TMEM72: variants seen among roughly 807,000 people sequenced by gnomAD.
The protein encoded by TMEM72 is transmembrane protein 72.
TMEM72 carries 9 observed loss-of-function variants against 16.3 expected under a neutral mutation model. The ratio of observed to expected loss-of-function variants is 0.55; its 90% CI spans 0.33 to 0.96. TMEM72 has a LOEUF of 0.96. Among genes scored for constraint, TMEM72 ranks in the 40% least tolerant of loss-of-function variants. The pLI, the probability that TMEM72 is intolerant of heterozygous loss-of-function variation, is 0.03. For missense variants in TMEM72, 324 were observed against 337.8 expected (o/e 0.96, Z 0.32); for synonymous variants, 160 against 146.5 (o/e 1.09, Z -0.66).
At chr10:44,931,343 T>A (rs1840291597) in intron 2 of TMEM72, among the ~76,000 whole-genome samples, 3 of 152,188 alleles carry the variant, frequency 2.0e-5, no homozygotes, top group Admixed American at 2.0e-4. Flanking sequence ...AGATGCTGAT[T>A]GCAGGATCCA....
chr10:44,911,626 C>G, intron 1 of TMEM72, 44 bp downstream of exon 1: 1 of 1,544,314 alleles, frequency 6.5e-7, no homozygotes. Flanking sequence ...ACACTGGCAC[C>G]ACAGATAGGG....
chr10:44,934,148 C>T (rs1237525804), intron 4 of TMEM72, among the ~76,000 whole-genome samples: 3 of 152,174 alleles, frequency 2.0e-5, no homozygotes, highest in Admixed American at 6.5e-5. Flanking sequence ...CAGGTCCAAA[C>T]TCCTCAGCCT....
chr10:44,915,240 G>C (rs1026500944), intron 1 of TMEM72, among the ~76,000 whole-genome samples: 4 of 152,188 alleles, frequency 2.6e-5, no homozygotes, highest in African/African-American at 9.7e-5. Flanking sequence ...CACTCTTCCA[G>C]CCTCTGCCCA....
At chr10:44,933,109 G>A (rs1840330495) in intron 3 of TMEM72, among the ~76,000 whole-genome samples, 1 of 152,260 alleles carries the variant, frequency 6.6e-6, no homozygotes, top group African/African-American at 2.4e-5. Context: ...TCAGGCTTCT[G>A]CCAGGGCTAT....
At chr10:44,914,386 T>C (rs1353913090) in intron 1 of TMEM72, among the ~76,000 whole-genome samples, 1 of 152,206 alleles carries the variant, frequency 6.6e-6, no homozygotes, top group Non-Finnish European at 1.5e-5. Flanking sequence ...TTACACCGGG[T>C]TCATTTGCTT....
intron 1 of TMEM72, among the ~76,000 whole-genome samples, chr10:44,919,673 A>G (rs1196655479): frequency 5.3e-5 from 8 of 152,244 alleles, no homozygotes; most frequent in African/African-American, 1.9e-4. Context: ...TTGATGGGTC[A>G]GAAGGCTCAA....
chr10:44,918,335 T>G (rs959300197), intron 1 of TMEM72, among the ~76,000 whole-genome samples: 1 of 152,274 alleles, frequency 6.6e-6, no homozygotes, highest in Non-Finnish European at 1.5e-5. Context: ...CATATGGGTC[T>G]GCAGAGTCCT....
chr10:44,929,658 A>C (rs1471810726), intron 2 of TMEM72, among the ~76,000 whole-genome samples: 1 of 152,206 alleles, frequency 6.6e-6, no homozygotes, highest in African/African-American at 2.4e-5. Flanking sequence ...GACAACCTTC[A>C]AGAGCTTCCA....
At chr10:44,917,709 C>A (rs531689120) in intron 1 of TMEM72, among the ~76,000 whole-genome samples, 4 of 152,120 alleles carry the variant, frequency 2.6e-5, no homozygotes, top group East Asian at 1.9e-4. Context: ...CCCAGGAGAC[C>A]AGGTAAGGGT....
chr10:44,935,002 C>T lies in TMEM72; in HGVS notation c.696C>T (p.Val232=). ...TTGAAGACAACTTGGTCCGCATAGTCCCCTCCCTCGCCGAAGGTCTGGATG... is the reference window on the plus strand; with the variant it reads ...TTGAAGACAACTTGGTCCGCATAGTTCCCTCCCTCGCCGAAGGTCTGGATG... ...VHFEDNLVRI[V]PSLAEGLDDG... The change falls in exon 5 of 5, where the codon GTC becomes GTT. Residue 232 remains valine, a synonymous_variant. Transcript: ENST00000389583. 1.2e-6 allele frequency: 2 copies of T among 1,613,980 alleles called. No homozygotes were observed. The highest frequency in any genetic ancestry group is 1.7e-6 in the Non-Finnish European group (2 of 1,179,898).
intron 1 of TMEM72, among the ~76,000 whole-genome samples, chr10:44,918,319 A>G (rs1379848653): frequency 6.6e-6 from 1 of 152,172 alleles, no homozygotes; most frequent in Non-Finnish European, 1.5e-5. Flanking sequence ...AGTAGTGCCA[A>G]TGAACCATAT....
At chr10:44,931,762 G>A in intron 2 of TMEM72, 2 of 539,066 alleles carry the variant, frequency 3.7e-6, no homozygotes, top group Non-Finnish European at 6.7e-6. Context: ...GTCACCTGCT[G>A]GCCACGGTGC....
Position 44,919,617 on chromosome 10 carries a change from G to A in TMEM72, c.70+8035G>A, listed in dbSNP as rs552090641. Among the ~76,000 whole-genome samples the A allele has an allele frequency of 8.4e-4, 128 of 152,298 alleles. 3 individuals are homozygous for A. The South Asian group carries it at 0.021, about 25-fold the overall frequency. On this transcript the variant is annotated intron_variant, in intron 1 of 4. Coordinates refer to ENST00000389583, the MANE Select transcript of TMEM72 (RefSeq NM_001123376.3). Reference sequence around the variant, plus strand: ...ACTACACTAGAAACTAGAAAACATTGCTGAGAGATAACAAAGAAAATCTAA... The same window carrying A: ...ACTACACTAGAAACTAGAAAACATTACTGAGAGATAACAAAGAAAATCTAA...
At position 44,927,968 on chromosome 10, in the gene TMEM72, A is replaced by G. The variant is rs779130484; in HGVS notation, c.118A>G (p.Ser40Gly). ...GACCTTCCTCCAGGGCCAGTTCAAA[A>G]GCCTGGCTTTCTATCTGCTGTGAGT... ...TETFLQGQFKSLAFYLLFTGA... is the reference protein window; with the variant it reads ...TETFLQGQFKGLAFYLLFTGA... Residue 40 changes from serine to glycine, a missense_variant, in exon 2 of 5, where the codon AGC (serine) becomes GGC (glycine). Physicochemically the swap from Ser to Gly is moderately conservative, Grantham distance 56 (BLOSUM62 0). Coordinates refer to ENST00000389583, the MANE Select transcript of TMEM72 (RefSeq NM_001123376.3). 1.9e-5 allele frequency: 31 copies of G among 1,613,682 alleles called. No homozygotes were observed. The highest frequency in any genetic ancestry group is 2.6e-5 in the Non-Finnish European group (31 of 1,179,976).
chr10:44,935,161 C>A lies in TMEM72; in HGVS notation c.*27C>A. The A allele has an allele frequency of 6.5e-7, 1 of 1,539,932 alleles. No individual in the cohort carries two copies. The highest frequency in any genetic ancestry group is 8.7e-7 in the Non-Finnish European group (1 of 1,143,858). ...CGCTTGCTCCAGCCTGGAGGACGCT[C>A]AGTGAGGGGTCTACCTAGCTCAATG... On this transcript the variant is annotated 3_prime_UTR_variant, in exon 5 of 5. Transcript: ENST00000389583.
chr10:44,914,118 GTGGATGAAGCCACAGCCTT>G (rs1042753547), intron 1 of TMEM72, among the ~76,000 whole-genome samples: 2 of 152,178 alleles, frequency 1.3e-5, no homozygotes, highest in Non-Finnish European at 2.9e-5. Context: ...CCCTATGACT[GTGGATGAAGCCACAGCCTT>G]TGGATGAAGC....
chr10:44,913,910 T>C (rs1839975466), intron 1 of TMEM72, among the ~76,000 whole-genome samples: 1 of 150,936 alleles, frequency 6.6e-6, no homozygotes, highest in Non-Finnish European at 1.5e-5. Flanking sequence ...CCTAGGGAGG[T>C]GGGGAGTGTG....
In TMEM72 at chr10:44,935,873, C is replaced by A. The variant is rs10751362; in HGVS notation, c.*739C>A. The stretch of plus-strand genomic sequence containing the variant: ...TTCCAGGTTGATGATGCAAACTGAA[C>A]GCAGTGAATGCCAGGGCCCAGAAGG... On this transcript the variant is annotated 3_prime_UTR_variant, in exon 5 of 5. Coordinates refer to ENST00000389583, the MANE Select transcript of TMEM72 (RefSeq NM_001123376.3). 115,869 of 152,294 alleles carry A rather than the reference C, an allele frequency of 0.76. 44,859 individuals are homozygous for A. Among genetic ancestry groups the A allele is most frequent in the African/African-American group, 0.84 (35,075 of 41,548 alleles). The allele number at this position is 152,294 out of a possible 1,614,324, so 9.4% of individuals were successfully genotyped here.
intron 1 of TMEM72, among the ~76,000 whole-genome samples, chr10:44,926,285 A>C (rs925024354): frequency 3.3e-5 from 5 of 152,178 alleles, no homozygotes; most frequent in African/African-American, 1.2e-4. Context: ...AGTGGGTAGC[A>C]GGAAACCGCG....
Sources: allele counts gnomAD v4.1 joint callset (sites outside exome capture counted in the v4.1 genomes callset), GRCh38; gene constraint gnomAD v4.1.1; transcripts MANE v1.5; gene names NCBI Gene and HGNC (gene_info 2026-07-23, HGNC 2026-07-21).